Variants in ABI3BP observed in about 807,000 individuals in gnomAD.
ABI3BP encodes the protein ABI family member 3 binding protein, also known as target of Nesh-SH3.
ABI3BP carries 216 observed loss-of-function variants against 268.6 expected under a neutral mutation model. The observed-to-expected ratio is 0.80, with a 90% confidence interval of 0.72 to 0.90. ABI3BP has a LOEUF of 0.90. Among genes scored for constraint, ABI3BP ranks in the 40% least tolerant of loss-of-function variants. ABI3BP has a pLI of 0.00. For synonymous variants in ABI3BP, 730 were observed against 730.0 expected (o/e 1.00, Z 0.00); for missense variants, 2,090 against 2,182.4 (o/e 0.96, Z 0.84).
intron 1 of ABI3BP, among the ~76,000 whole-genome samples, chr3:100,959,019 A>C (rs1022806190): frequency 3.9e-5 from 6 of 152,144 alleles, no homozygotes; most frequent in Admixed American, 3.9e-4. Context: ...GGGGAAGAAC[A>C]ACCATCTTGT....
At chr3:100,977,511 T>A (rs1328260780) in intron 1 of ABI3BP, among the ~76,000 whole-genome samples, 1 of 152,196 alleles carries the variant, frequency 6.6e-6, no homozygotes, top group Non-Finnish European at 1.5e-5. Context: ...AAATTTGTGC[T>A]GGATATAGGC....
At chr3:100,841,639 A>G (rs1220980471) in intron 21 of ABI3BP, among the ~76,000 whole-genome samples, 1 of 152,162 alleles carries the variant, frequency 6.6e-6, no homozygotes, top group African/African-American at 2.4e-5. Context: ...CTGTAATCCC[A>G]GCACTTTGAG....
intron 52 of ABI3BP, among the ~76,000 whole-genome samples, 165 bp from the exon 53 acceptor site, chr3:100,796,016 C>T (rs2097335157): frequency 6.6e-6 from 1 of 152,060 alleles, no homozygotes; most frequent in Non-Finnish European, 1.5e-5. Context: ...AATCAGAGAA[C>T]TTAGTTTAAC....
intron 1 of ABI3BP, among the ~76,000 whole-genome samples, chr3:100,970,150 G>A (rs1168052797): frequency 6.6e-6 from 1 of 152,088 alleles, no homozygotes; most frequent in African/African-American, 2.4e-5. Flanking sequence ...AAAAGAAAGG[G>A]CACTCTTATC....
chr3:100,799,071 A>G (rs1352385698), intron 51 of ABI3BP, among the ~76,000 whole-genome samples: 1 of 151,920 alleles, frequency 6.6e-6, no homozygotes, highest in Non-Finnish European at 1.5e-5. Context: ...TCATTTCTCC[A>G]TGTTACTTCC....
chr3:100,848,372 A>G (rs2098798819), intron 18 of ABI3BP, among the ~76,000 whole-genome samples: 1 of 152,244 alleles, frequency 6.6e-6, no homozygotes, highest in Admixed American at 6.5e-5. Context: ...AATTTTCAGT[A>G]AACCCCTTTT....
At chr3:100,966,110 G>A (rs2081204037) in intron 1 of ABI3BP, among the ~76,000 whole-genome samples, 1 of 152,172 alleles carries the variant, frequency 6.6e-6, no homozygotes, top group African/African-American at 2.4e-5. Flanking sequence ...GAATGTCTCT[G>A]TTCTCTAACC....
rs906024983 is a variant in ABI3BP, at chr3:100,887,328, C to T, written c.462-1005G>A. Among the ~76,000 whole-genome samples the T allele has an allele frequency of 3.9e-5, 6 of 152,062 alleles. No homozygotes were observed. The East Asian group carries it at 1.2e-3, about 29-fold the overall frequency. On this transcript the variant is annotated intron_variant, in intron 4 of 67. Coordinates refer to ENST00000471714, the MANE Select transcript of ABI3BP (RefSeq NM_001375547.2). Reference sequence around the variant, plus strand: ...TTAGAAACAAAATATCAAATAAAAACAAATTACAGATTGGTGCATATAGTT... The same window carrying T: ...TTAGAAACAAAATATCAAATAAAAATAAATTACAGATTGGTGCATATAGTT...
chr3:100,848,918 AGGGGTC>A, intron 17 of ABI3BP, 43 bp from the exon 18 acceptor site: 1 of 1,563,830 alleles, frequency 6.4e-7, no homozygotes, highest in Non-Finnish European at 8.8e-7. Context: ...GATATTTTTC[AGGGGTC>A]AATCAGGTTG....
Position 100,766,267 on chromosome 3 carries a change from G to A in ABI3BP, c.4742-318C>T, listed in dbSNP as rs188971462. On this transcript the variant is annotated intron_variant, in intron 62 of 67. Coordinates refer to ENST00000471714, the MANE Select transcript of ABI3BP (RefSeq NM_001375547.2). ...GATACATAGCCTTTGATTTTGTTAG[G>A]TGAGTCAGATAGTCTGCCGCTGCTG... 1.6e-3 allele frequency among the ~76,000 whole-genome samples: 244 copies of A among 152,302 alleles called. 1 individual carries two copies. The highest frequency in any genetic ancestry group is 5.6e-3 in the African/African-American group (234 of 41,546).
chr3:100,832,549 C>T (rs1393591535), intron 30 of ABI3BP, among the ~76,000 whole-genome samples, 199 bp from the exon 31 acceptor site: 1 of 152,040 alleles, frequency 6.6e-6, no homozygotes, highest in East Asian at 1.9e-4. Flanking sequence ...AAATATTGTA[C>T]ATACAATTAC....
At chr3:100,761,766 GT>G (rs1232470245) in intron 63 of ABI3BP, among the ~76,000 whole-genome samples, 9 of 152,076 alleles carry the variant, frequency 5.9e-5, no homozygotes, top group Non-Finnish European at 4.4e-5. Context: ...GTTAAGTGTT[GT>G]AACGTGAAGC....
intron 18 of ABI3BP, 42 bp from the exon 19 acceptor site, chr3:100,847,715 C>T (rs754878135): frequency 9.2e-6 from 14 of 1,521,248 alleles, no homozygotes; most frequent in Admixed American, 1.7e-5. Flanking sequence ...ATCCTAGAGA[C>T]AATAAAAAGA....
chr3:100,973,163 G>A (rs2084485934), intron 1 of ABI3BP, among the ~76,000 whole-genome samples: 3 of 152,174 alleles, frequency 2.0e-5, no homozygotes, highest in African/African-American at 7.2e-5. Flanking sequence ...AAAAATGTGA[G>A]TTAGATAAGC....
At chr3:100,983,673 T>G (rs755359046) in intron 1 of ABI3BP, among the ~76,000 whole-genome samples, 11 of 152,168 alleles carry the variant, frequency 7.2e-5, no homozygotes, top group Non-Finnish European at 1.6e-4. Flanking sequence ...TAGAACTGAT[T>G]TCAAACCCCT....
At chr3:100,900,461 C>A (rs555829075) in intron 3 of ABI3BP, among the ~76,000 whole-genome samples, 1 of 152,192 alleles carries the variant, frequency 6.6e-6, no homozygotes, top group African/African-American at 2.4e-5. Context: ...AGTCCTGGGT[C>A]TCCTCAATCA....
At chr3:100,888,228 C>T (rs1032613888) in intron 4 of ABI3BP, among the ~76,000 whole-genome samples, 1 of 152,076 alleles carries the variant, frequency 6.6e-6, no homozygotes, top group Non-Finnish European at 1.5e-5. Context: ...TAAACACTAA[C>T]TGCTACTGGA....
intron 9 of ABI3BP, among the ~76,000 whole-genome samples, chr3:100,867,173 A>AT (rs2099059471): frequency 6.6e-6 from 1 of 152,162 alleles, no homozygotes; most frequent in Non-Finnish European, 1.5e-5. Flanking sequence ...ACCCTAGGTA[A>AT]TTCTTTAAGA....
In ABI3BP at chr3:100,975,836, C is replaced by G. The variant is rs542110199; in HGVS notation, c.79+17470G>C. Reference sequence around the variant, plus strand: ...ACCCCACCCTGAAATATAAAAAAACCCTCAGAATCCAGAGGGTATTTGGTC... The same window carrying G: ...ACCCCACCCTGAAATATAAAAAAACGCTCAGAATCCAGAGGGTATTTGGTC... On this transcript the variant is annotated intron_variant, in intron 1 of 67. Coordinates refer to ENST00000471714, the MANE Select transcript of ABI3BP (RefSeq NM_001375547.2). 9.2e-5 allele frequency among the ~76,000 whole-genome samples: 14 copies of G among 152,018 alleles called. No individual in the cohort carries two copies. The South Asian group carries it at 2.9e-3, about 32-fold the overall frequency.
Sources: allele counts gnomAD v4.1 joint callset (sites outside exome capture counted in the v4.1 genomes callset), GRCh38; gene constraint gnomAD v4.1.1; transcripts MANE v1.5; gene names NCBI Gene and HGNC (gene_info 2026-07-23, HGNC 2026-07-21).